IGFL4: variants seen among roughly 807,000 people sequenced by gnomAD.
IGFL4 encodes the protein IGF like family member 4.
In IGFL4, 12 loss-of-function variants were observed where a neutral mutation model predicts 15.4. The ratio of observed to expected loss-of-function variants is 0.78; its 90% confidence interval spans 0.50 to 1.26. The LOEUF is 1.26. Among genes scored for constraint, IGFL4 ranks in the 50% most tolerant of loss-of-function variants. The pLI, the probability that IGFL4 is intolerant of heterozygous loss-of-function variation, is 0.00. For missense variants in IGFL4, 126 were observed against 147.8 expected, an observed-to-expected ratio of 0.85 and a Z score of 0.76; for synonymous variants, 54 against 55.9, an observed-to-expected ratio of 0.97 and a Z score of 0.16.
chr19:46,065,329 CTTTTCTTTTT>C (rs968075911), intron 1 of IGFL4, among the ~76,000 whole-genome samples: 5 of 139,304 alleles, frequency 3.6e-5, no homozygotes, highest in African/African-American at 1.3e-4. Context: ...CTTTTCTTTT[CTTTTCTTTTT>C]TGAGAGGGAG....
chr19:46,075,079 TAA>T (rs1969582591), intron 1 of IGFL4, among the ~76,000 whole-genome samples: 1 of 55,104 alleles, frequency 1.8e-5, no homozygotes, highest in Non-Finnish European at 7.1e-5. Flanking sequence ...TTCAATAGTT[TAA>T]AGAATAATTT....
At chr19:46,047,693 A>G (rs971660713) in intron 2 of IGFL4, among the ~76,000 whole-genome samples, 15 of 152,180 alleles carry the variant, frequency 9.9e-5, no homozygotes, top group Admixed American at 8.5e-4. Flanking sequence ...ACATCCCTAG[A>G]CACATACACC....
intron 1 of IGFL4, among the ~76,000 whole-genome samples, chr19:46,071,606 C>G (rs2146529967): frequency 6.6e-6 from 1 of 152,284 alleles, no homozygotes; most frequent in African/African-American, 2.4e-5. Context: ...AAACTGTAAG[C>G]CTGGTCTGCT....
chr19:46,040,364 G>C lies in IGFL4; in HGVS notation c.123C>G (p.Tyr41Ter). Residue 41 changes from tyrosine (Y) to a stop codon, truncating the protein, a stop_gained, in exon 3 of 4, where the codon TAC (tyrosine) becomes TAG (stop). Transcript: ENST00000377697. LOFTEE classifies it high-confidence loss of function. This position sits in a 1 kb window ranked among gnomAD's most constrained non-coding sequence, Gnocchi z 4.1. ...CATCACAGCACTGCTCCAAGGGGTT[G>C]TAGGTCCACTCCCCGCACCTGGGCG... is the stretch of plus-strand genomic sequence containing the variant. ...QPAPRCGEWTYNPLEQCCDDG... is the reference protein window; with the variant it reads ...QPAPRCGEWT 6.2e-7 allele frequency: 1 copy of C among 1,614,228 alleles called. No homozygotes were observed. Among genetic ancestry groups the C allele is most frequent in the Non-Finnish European group, 8.5e-7 (1 of 1,180,028 alleles).
intron 2 of IGFL4, among the ~76,000 whole-genome samples, chr19:46,048,145 T>A (rs554446312): frequency 3.1e-4 from 47 of 152,294 alleles, no homozygotes; most frequent in Middle Eastern, 6.8e-3. Context: ...ATTCATCGTA[T>A]AAACAGAACT....
At chr19:46,053,047 T>A (rs1969362215) in intron 2 of IGFL4, among the ~76,000 whole-genome samples, 1 of 151,780 alleles carries the variant, frequency 6.6e-6, no homozygotes. Context: ...GGCCCATCTG[T>A]TTCTGTACCC....
At chr19:46,070,841 T>G (rs1438800455) in intron 1 of IGFL4, among the ~76,000 whole-genome samples, 2 of 152,138 alleles carry the variant, frequency 1.3e-5, no homozygotes, top group Non-Finnish European at 2.9e-5. Flanking sequence ...TGGACTCTAT[T>G]TTGGGTGTGT....
upstream of IGFL4, among the ~76,000 whole-genome samples, chr19:46,044,889 T>A (rs1850133874): frequency 8.7e-6 from 1 of 115,500 alleles, no homozygotes; most frequent in Non-Finnish European, 2.1e-5. Context: ...TGTGGAATAG[T>A]GGCCTGACTG....
chr19:46,054,911 T>C (rs1183856722), intron 2 of IGFL4, among the ~76,000 whole-genome samples: 1 of 152,230 alleles, frequency 6.6e-6, no homozygotes, highest in African/African-American at 2.4e-5. Flanking sequence ...CCTGGAGCTA[T>C]TGCTGATGTG....
rs553455109 is a variant in IGFL4, at chr19:46,054,509, T to C, written c.-323+5676A>G. On this transcript the variant is annotated intron_variant, in intron 2 of 5. Transcript: ENST00000601672. ...GCCATGCTATTTTGGTTACGACAGC[T>C]TCGTAGTATATTTTGAGGTCTGGTA... Among the ~76,000 whole-genome samples the C allele has an allele frequency of 4.5e-4, 69 of 152,224 alleles. 2 individuals carry two copies. The highest frequency in any genetic ancestry group is 9.8e-4 in the Admixed American group (15 of 15,274).
At chr19:46,064,161 A>C (rs561071292) in intron 1 of IGFL4, among the ~76,000 whole-genome samples, 1 of 52,788 alleles carries the variant, frequency 1.9e-5, no homozygotes, top group South Asian at 5.3e-4. Context: ...CAAAATATTT[A>C]TTCTTAATTT....
intron 2 of IGFL4, among the ~76,000 whole-genome samples, chr19:46,047,546 G>A (rs1969308231): frequency 6.6e-6 from 1 of 152,004 alleles, no homozygotes; most frequent in Non-Finnish European, 1.5e-5. Flanking sequence ...AAGAAGAAAA[G>A]AGAGAATAAT....
At chr19:46,068,628 T>A (rs1969517141) in intron 1 of IGFL4, among the ~76,000 whole-genome samples, 1 of 152,210 alleles carries the variant, frequency 6.6e-6, no homozygotes, top group African/African-American at 2.4e-5. Context: ...CACACACAGA[T>A]AGAATTGTTC....
At chr19:46,076,764 T>C (rs1969602886) in intron 1 of IGFL4, among the ~76,000 whole-genome samples, 1 of 151,530 alleles carries the variant, frequency 6.6e-6, no homozygotes, top group Non-Finnish European at 1.5e-5. Flanking sequence ...TGCCCAGAAA[T>C]ATGTAAAAGT....
At chr19:46,049,679 A>G (rs1035600143) in intron 2 of IGFL4, among the ~76,000 whole-genome samples, 8 of 152,082 alleles carry the variant, frequency 5.3e-5, no homozygotes, top group African/African-American at 1.9e-4. Context: ...GATTTTCTCT[A>G]TCGGCCCTGG....
upstream of IGFL4, among the ~76,000 whole-genome samples, chr19:46,045,995 A>T (rs1969294640): frequency 6.6e-6 from 1 of 152,212 alleles, no homozygotes; most frequent in South Asian, 2.1e-4. Context: ...GAAAGAAAAA[A>T]TGTTAAGGGC....
intron 1 of IGFL4, among the ~76,000 whole-genome samples, chr19:46,069,394 TG>T (rs1284122511): frequency 2.0e-5 from 3 of 152,148 alleles, no homozygotes; most frequent in African/African-American, 7.2e-5. Flanking sequence ...CTAATGAAAA[TG>T]TTCAGTCTGA....
chr19:46,051,708 C>T (rs1969346768), intron 2 of IGFL4, among the ~76,000 whole-genome samples: 1 of 152,114 alleles, frequency 6.6e-6, no homozygotes, highest in Non-Finnish European at 1.5e-5. Flanking sequence ...CATAAGAGCT[C>T]ACCAACCAAG....
rs1969211061 is a variant in IGFL4, at chr19:46,039,285, G to A, written c.*607C>T. Among the ~76,000 whole-genome samples the A allele has an allele frequency of 7.0e-6, 1 of 142,734 alleles. No homozygotes were observed. The highest frequency in any genetic ancestry group is 2.3e-4 in the South Asian group (1 of 4,416). 93.6% of individuals were successfully genotyped at this position (142,734 alleles called of 152,430 possible). On this transcript the variant is annotated 3_prime_UTR_variant, in exon 4 of 4. Transcript: ENST00000377697. ...TTGGTACCAGTACCATGCTGTTTTGGTTACTGTAGCCTTATAGTATAGTTT... is the reference window on the plus strand; with the variant it reads ...TTGGTACCAGTACCATGCTGTTTTGATTACTGTAGCCTTATAGTATAGTTT...
Sources: allele counts gnomAD v4.1 joint callset (sites outside exome capture counted in the v4.1 genomes callset), GRCh38; gene constraint gnomAD v4.1.1; non-coding constraint Gnocchi (gnomAD v3.1); transcripts MANE v1.5; gene names NCBI Gene and HGNC (gene_info 2026-07-23, HGNC 2026-07-21).